The following CCDC69 variants were observed in gnomAD, a reference collection of about 807,000 sequenced individuals.
CCDC69 encodes coiled-coil domain-containing protein 69.
Under a neutral mutation model 40.3 loss-of-function variants are expected in CCDC69, and 38 were observed. That is an observed-to-expected ratio of 0.94 (90% CI 0.73 to 1.24). CCDC69 has a LOEUF of 1.24. Ranked by LOEUF, CCDC69 falls within the 50% of genes most tolerant of loss-of-function variation. CCDC69 has a pLI of 0.00. For synonymous variants in CCDC69, 141 were observed against 138.9 expected (o/e 1.02, Z -0.11); for missense variants, 389 against 357.9 (o/e 1.09, Z -0.70).
chr5:151,201,656 C>T lies in CCDC69; in HGVS notation c.157G>A (p.Ala53Thr), dbSNP rs754148733. The change falls in exon 3 of 9, where the codon GCT becomes ACT. Residue 53 changes from alanine (A) to threonine (T), a missense_variant. Coordinates refer to ENST00000355417, the MANE Select transcript of CCDC69 (RefSeq NM_015621.3). ...ITVQLCASEE[A>T]ERHQKDITRI... is the part of the protein sequence containing the mutation. ...GTTATATCCTTCTGGTGCCGCTCAG[C>T]CTCCTCTGATGCACAGAGCTGGACA... 1.9e-6 allele frequency: 3 copies of T among 1,613,518 alleles called. No individual in the cohort carries two copies. In the Admixed American group the frequency reaches 5.0e-5, roughly 27 times the overall value.
At chr5:151,191,332 A>G (rs1752608505) in intron 4 of CCDC69, among the ~76,000 whole-genome samples, 1 of 152,264 alleles carries the variant, frequency 6.6e-6, no homozygotes, top group South Asian at 2.1e-4. Flanking sequence ...CCTGAAAATC[A>G]GCAAGAATAT....
intron 1 of CCDC69, among the ~76,000 whole-genome samples, chr5:151,208,105 G>T (rs1385483156): frequency 6.6e-6 from 1 of 152,026 alleles, no homozygotes; most frequent in Non-Finnish European, 1.5e-5. Context: ...ACAAAAATTA[G>T]GCAGGTGTGG....
chr5:151,216,408 T>G (rs867335794), intron 1 of CCDC69, among the ~76,000 whole-genome samples: 3 of 102,512 alleles, frequency 2.9e-5, no homozygotes, highest in African/African-American at 1.2e-4. Context: ...TTATTAGGAT[T>G]TTTTTTTTTT....
chr5:151,197,099 T>C (rs1752710275), intron 4 of CCDC69, among the ~76,000 whole-genome samples: 1 of 152,214 alleles, frequency 6.6e-6, no homozygotes, highest in Non-Finnish European at 1.5e-5. Flanking sequence ...GGTGAAAACA[T>C]TCCAAGGTGA....
chr5:151,214,025 C>T (rs902178909), intron 1 of CCDC69, among the ~76,000 whole-genome samples: 2 of 152,140 alleles, frequency 1.3e-5, no homozygotes, highest in Admixed American at 1.3e-4. Flanking sequence ...AAGCTGAGGC[C>T]CAGAGGTGGG....
chr5:151,192,103 A>AAAG (rs1752621360), intron 4 of CCDC69, among the ~76,000 whole-genome samples: 4 of 146,636 alleles, frequency 2.7e-5, no homozygotes, highest in Non-Finnish European at 6.0e-5. Context: ...AAAAAAAAAA[A>AAAG]AAAGAATGAA....
chr5:151,201,740 G>A, intron 2 of CCDC69, 52 bp from the exon 3 acceptor site: 3 of 1,206,704 alleles, frequency 2.5e-6, no homozygotes, highest in South Asian at 1.3e-5. Context: ...CAGAGTGGAA[G>A]TACAGTCAGA....
At position 151,205,413 on chromosome 5, in the gene CCDC69, G is replaced by A. The variant is rs528770105; in HGVS notation, c.111C>T (p.Leu37=). 11 of 1,613,672 alleles carry A rather than the reference G, an allele frequency of 6.8e-6. No homozygotes were observed. Among genetic ancestry groups the A allele is most frequent in the African/African-American group, 5.3e-5 (4 of 74,912 alleles). ...CTGGCTACTCACCTGTGTCCCCATTGAGGGGACCTAATTCATGGGGCTCTG... is the reference window on the plus strand; with the variant it reads ...CTGGCTACTCACCTGTGTCCCCATTAAGGGGACCTAATTCATGGGGCTCTG... ...PRPEPHELGP[L]NGDTAITVQL... The change falls in exon 2 of 9, where the codon CTC becomes CTT. Residue 37 remains leucine (L), a synonymous_variant. Coordinates refer to ENST00000355417, the MANE Select transcript of CCDC69 (RefSeq NM_015621.3).
intron 3 of CCDC69, among the ~76,000 whole-genome samples, chr5:151,200,918 G>C (rs936013386): frequency 1.3e-5 from 2 of 152,182 alleles, no homozygotes; most frequent in Admixed American, 1.3e-4. Flanking sequence ...ACTTATATTT[G>C]CAGTAAGTAT....
chr5:151,199,209 G>T, intron 3 of CCDC69, 125 bp from the exon 4 acceptor site: 3 of 760,822 alleles, frequency 3.9e-6, no homozygotes, highest in Non-Finnish European at 6.9e-6. Flanking sequence ...TGAGGGATGG[G>T]AATGACACGC....
At chr5:151,196,403 C>T (rs941411986) in intron 4 of CCDC69, among the ~76,000 whole-genome samples, 1 of 152,220 alleles carries the variant, frequency 6.6e-6, no homozygotes, top group Admixed American at 6.5e-5. Flanking sequence ...GTGATACACC[C>T]GCCTCGGCCT....
In CCDC69 at chr5:151,185,486, A is replaced by G. The variant is rs759212905; in HGVS notation, c.551T>C (p.Val184Ala). 2 of 1,614,056 alleles carry G rather than the reference A, an allele frequency of 1.2e-6. No homozygotes were observed. Among genetic ancestry groups the G allele is most frequent in the South Asian group, 1.1e-5 (1 of 91,080 alleles). ...AATACGCTCATTCTTCATCTCGATG[A>G]CAAAGTGTAAGCTCTCCAGCTCCTG... ...WEQELESLHF[V>A]IEMKNERIHE... The change falls in exon 7 of 9, where the codon GTC (valine) becomes GCC (alanine). Residue 184 changes from valine (V) to alanine (A), a missense_variant. By Grantham distance (64) the Val-to-Ala change is moderately conservative. Transcript: ENST00000355417.
chr5:151,205,540 G>T, intron 1 of CCDC69, 65 bp from the exon 2 acceptor site: 2 of 1,329,994 alleles, frequency 1.5e-6, no homozygotes, highest in Non-Finnish European at 2.2e-6. Flanking sequence ...AGGACGGGCT[G>T]CTATAGTGGG....
At chr5:151,215,709 C>T (rs1264181590) in intron 1 of CCDC69, 1 of 338,882 alleles carries the variant, frequency 3.0e-6, no homozygotes, top group Non-Finnish European at 6.5e-6. Context: ...AATGACAGAG[C>T]TCAGCCATCT....
intron 2 of CCDC69, among the ~76,000 whole-genome samples, chr5:151,202,737 C>A (rs1457587783): frequency 1.3e-5 from 2 of 152,244 alleles, no homozygotes; most frequent in African/African-American, 4.8e-5. Context: ...GAAGTCTAGC[C>A]CCTGCTTCGG....
At chr5:151,193,640 C>T (rs1175097277) in intron 4 of CCDC69, among the ~76,000 whole-genome samples, 1 of 151,778 alleles carries the variant, frequency 6.6e-6, no homozygotes, top group African/African-American at 2.4e-5. Flanking sequence ...AATATAAAAC[C>T]ATAAGGCTTT....
At chr5:151,203,382 C>T (rs543181275) in intron 2 of CCDC69, among the ~76,000 whole-genome samples, 21 of 151,394 alleles carry the variant, frequency 1.4e-4, no homozygotes, top group Non-Finnish European at 2.2e-4. Flanking sequence ...TGGTGGCAGG[C>T]GCCTGTAATC....
chr5:151,198,907 A>T, intron 4 of CCDC69, 90 bp downstream of exon 4: 1 of 911,204 alleles, frequency 1.1e-6, no homozygotes, highest in South Asian at 1.3e-5. Context: ...ACAGGGAGGG[A>T]ACAGTGGGAG....
intron 4 of CCDC69, among the ~76,000 whole-genome samples, chr5:151,198,030 A>G (rs1752724102): frequency 6.6e-6 from 1 of 152,212 alleles, no homozygotes; most frequent in South Asian, 2.1e-4. Context: ...AAATGGAAGG[A>G]ATCTATTTCA....
Sources: gnomAD v4.1 joint callset for allele counts (sites outside exome capture counted in the v4.1 genomes callset) on GRCh38, gnomAD v4.1.1 for gene constraint, MANE v1.5 for transcripts, NCBI Gene and HGNC (gene_info 2026-07-23, HGNC 2026-07-21) for gene names.